Variants in SUCLG2 observed in about 807,000 individuals in gnomAD.
SUCLG2 encodes the protein succinate--CoA ligase [GDP-forming] subunit beta, mitochondrial.
Under a neutral mutation model 47.9 loss-of-function variants are expected in SUCLG2, and 42 were observed. The observed-to-expected ratio is 0.88, with a 90% confidence interval of 0.69 to 1.14. SUCLG2 has a LOEUF of 1.14. Ranked by LOEUF, SUCLG2 falls within the 50% of genes most tolerant of loss-of-function variation. The pLI is 0.00. For synonymous variants in SUCLG2, 195 were observed against 197.3 expected (o/e 0.99, Z 0.10); for missense variants, 571 against 525.9 (o/e 1.09, Z -0.84).
chr3:67,580,702 G>A (rs1707859617), intron 2 of SUCLG2, among the ~76,000 whole-genome samples: 1 of 152,046 alleles, frequency 6.6e-6, no homozygotes, highest in Admixed American at 6.5e-5. Flanking sequence ...ATTTGAAGCT[G>A]TTTCATCTTC....
At chr3:67,410,064 C>T (rs772032543) in intron 9 of SUCLG2, among the ~76,000 whole-genome samples, 1 of 152,120 alleles carries the variant, frequency 6.6e-6, no homozygotes, top group Non-Finnish European at 1.5e-5. Flanking sequence ...TAAATTATAA[C>T]ACCTTAATTT....
chr3:67,602,670 A>G (rs910357145), intron 2 of SUCLG2, among the ~76,000 whole-genome samples: 2 of 152,228 alleles, frequency 1.3e-5, no homozygotes, highest in Non-Finnish European at 2.9e-5. Flanking sequence ...CTTTATAAAT[A>G]CAGTTAGGGA....
intron 9 of SUCLG2, among the ~76,000 whole-genome samples, chr3:67,423,978 G>A (rs1352631155): frequency 6.6e-6 from 1 of 152,072 alleles, no homozygotes; most frequent in African/African-American, 2.4e-5. Flanking sequence ...GTCTCTAAAG[G>A]ATCTCATATG....
intron 9 of SUCLG2, among the ~76,000 whole-genome samples, chr3:67,472,352 C>A (rs1348107086): frequency 6.6e-6 from 1 of 152,156 alleles, no homozygotes; most frequent in Non-Finnish European, 1.5e-5. Flanking sequence ...GTAGCAACCA[C>A]AAAGTGTCAT....
intron 9 of SUCLG2, among the ~76,000 whole-genome samples, chr3:67,491,521 C>T (rs1372411397): frequency 1.3e-5 from 2 of 152,040 alleles, no homozygotes; most frequent in South Asian, 4.2e-4. Flanking sequence ...CCTGCAACCA[C>T]GCCTGGCTAA....
chr3:67,406,864 T>G (rs1367982671), intron 9 of SUCLG2, among the ~76,000 whole-genome samples: 4 of 152,184 alleles, frequency 2.6e-5, no homozygotes, highest in Non-Finnish European at 4.4e-5. Context: ...TTTTTAACCT[T>G]CATTTTATAG....
At chr3:67,488,416 A>C (rs796813728) in intron 9 of SUCLG2, among the ~76,000 whole-genome samples, 5 of 152,262 alleles carry the variant, frequency 3.3e-5, no homozygotes, top group African/African-American at 1.2e-4. Context: ...CAATCTCCTG[A>C]ATCCATGGGG....
chr3:67,500,140 A>G (rs1033845882), intron 7 of SUCLG2, among the ~76,000 whole-genome samples: 1 of 152,220 alleles, frequency 6.6e-6, no homozygotes, highest in Non-Finnish European at 1.5e-5. Context: ...TGACTCTTGA[A>G]AGGGAAACAG....
At chr3:67,444,221 G>A (rs1180275993) in intron 9 of SUCLG2, among the ~76,000 whole-genome samples, 1 of 46,682 alleles carries the variant, frequency 2.1e-5, no homozygotes, top group Non-Finnish European at 4.6e-5. Flanking sequence ...CCTCTGCCCG[G>A]CCGCCCCTAC....
intron 1 of SUCLG2, among the ~76,000 whole-genome samples, chr3:67,643,254 G>A (rs918803194): frequency 1.3e-5 from 2 of 152,110 alleles, no homozygotes; most frequent in Admixed American, 6.5e-5. Context: ...AAACTACAAC[G>A]ACTACGACCG....
At chr3:67,596,038 T>C (rs1357389951) in intron 2 of SUCLG2, among the ~76,000 whole-genome samples, 1 of 152,220 alleles carries the variant, frequency 6.6e-6, no homozygotes, top group Non-Finnish European at 1.5e-5. Context: ...GGCATTCTGG[T>C]GTATACATCA....
intron 9 of SUCLG2, among the ~76,000 whole-genome samples, chr3:67,469,843 C>T (rs1030768751): frequency 2.6e-5 from 4 of 151,878 alleles, no homozygotes; most frequent in Admixed American, 2.6e-4. Context: ...GTCAGGAGTT[C>T]GAGACCAGCC....
At chr3:67,462,984 T>C (rs183088438) in intron 9 of SUCLG2, among the ~76,000 whole-genome samples, 112 of 152,290 alleles carry the variant, frequency 7.4e-4, no homozygotes, top group East Asian at 7.3e-3. Flanking sequence ...GTGTTGACTA[T>C]TGTGGTGTGA....
At chr3:67,427,569 A>AT (rs1703333753) in intron 9 of SUCLG2, among the ~76,000 whole-genome samples, 1 of 152,148 alleles carries the variant, frequency 6.6e-6, no homozygotes, top group South Asian at 2.1e-4. Context: ...GAGAAGGGTG[A>AT]TTTCTCCATT....
At chr3:67,637,656 T>C (rs1701032029) in intron 1 of SUCLG2, among the ~76,000 whole-genome samples, 1 of 152,240 alleles carries the variant, frequency 6.6e-6, no homozygotes, top group Non-Finnish European at 1.5e-5. Context: ...CTGATCTTCA[T>C]GCTCCAGGGA....
chr3:67,420,811 A>C (rs189844730), intron 9 of SUCLG2, among the ~76,000 whole-genome samples: 23 of 152,296 alleles, frequency 1.5e-4, no homozygotes, highest in African/African-American at 4.8e-4. Context: ...GTGGGTATTT[A>C]TCTTAATTCT....
intron 2 of SUCLG2, among the ~76,000 whole-genome samples, chr3:67,579,633 G>T (rs919478603): frequency 6.6e-6 from 1 of 152,154 alleles, no homozygotes; most frequent in South Asian, 2.1e-4. Context: ...TCTGTTCTAG[G>T]AGCACAGTGA....
rs528433786 is a variant in SUCLG2, at chr3:67,363,933, T to C, written c.1184-3165A>G. Among the ~76,000 whole-genome samples, 5 of 152,258 alleles carry C rather than the reference T, an allele frequency of 3.3e-5. No individual in the cohort carries two copies. In the East Asian group the frequency reaches 5.8e-4, roughly 18 times the overall value. On this transcript the variant is annotated intron_variant, in intron 10 of 10. Transcript: ENST00000493112. ...AAATAAGACACAACACAGTGGTGAG[T>C]TCCCTGGGTTTTCATTTTGCCTCAT...
chr3:67,368,818 C>T (rs1459762649), intron 10 of SUCLG2, among the ~76,000 whole-genome samples: 1 of 152,090 alleles, frequency 6.6e-6, no homozygotes, highest in African/African-American at 2.4e-5. Flanking sequence ...GCTGGCCCAG[C>T]TGGTCTCGAA....
Sources: gnomAD v4.1 joint callset for allele counts (sites outside exome capture counted in the v4.1 genomes callset) on GRCh38, gnomAD v4.1.1 for gene constraint, MANE v1.5 for transcripts, NCBI Gene and HGNC (gene_info 2026-07-23, HGNC 2026-07-21) for gene names.